The following DDX46 variants were observed in gnomAD, a reference collection of about 807,000 sequenced individuals.
The protein encoded by DDX46 is probable ATP-dependent RNA helicase DDX46.
A neutral mutation model predicts 134.9 loss-of-function variants in DDX46; 30 were observed. The observed-to-expected ratio is 0.22, with a 90% CI of 0.17 to 0.30. The LOEUF (loss-of-function observed/expected upper bound fraction) is 0.30, where lower values mean the gene tolerates loss of function less well. Among genes scored for constraint, DDX46 ranks in the 10% least tolerant of loss-of-function variants. DDX46 has a pLI of 1.00. For missense variants in DDX46, 622 were observed against 1,248.7 expected, an observed-to-expected ratio of 0.50 and a Z score of 7.56; for synonymous variants, 415 against 404.1, an observed-to-expected ratio of 1.03 and a Z score of -0.32.
intron 4 of DDX46, among the ~76,000 whole-genome samples, 154 bp downstream of exon 4, chr5:134,771,153 C>T (rs975175426): frequency 6.7e-6 from 1 of 149,832 alleles, no homozygotes. Flanking sequence ...TCTCTGTTGC[C>T]CAGGCTGGAG....
intron 1 of DDX46, among the ~76,000 whole-genome samples, chr5:134,761,134 T>C (rs1753371383): frequency 1.3e-5 from 2 of 152,130 alleles, no homozygotes; most frequent in Non-Finnish European, 2.9e-5. Flanking sequence ...CAAGAGATCC[T>C]CCCACCTCAG....
chr5:134,801,031 C>T (rs1172436044), intron 15 of DDX46, among the ~76,000 whole-genome samples: 4 of 152,106 alleles, frequency 2.6e-5, no homozygotes, highest in South Asian at 2.1e-4. Context: ...TGCCTGTAAT[C>T]CCAGCACTTT....
chr5:134,769,128 A>G (rs1753676069), intron 3 of DDX46, among the ~76,000 whole-genome samples: 1 of 152,126 alleles, frequency 6.6e-6, no homozygotes. Context: ...TTTAAACGTT[A>G]TTACATATAT....
chr5:134,820,367 A>T (rs1196569870), intron 21 of DDX46, among the ~76,000 whole-genome samples: 2 of 152,142 alleles, frequency 1.3e-5, no homozygotes. Context: ...TTGACACCAT[A>T]GCATTGTAGT....
intron 15 of DDX46, among the ~76,000 whole-genome samples, chr5:134,805,864 G>C (rs1754971031): frequency 6.6e-6 from 1 of 152,086 alleles, no homozygotes; most frequent in Non-Finnish European, 1.5e-5. Context: ...ATTAAGTATT[G>C]ATAGACAAGA....
chr5:134,826,312 A>G (rs1385059068), intron 21 of DDX46: 1 of 152,202 alleles, frequency 6.6e-6, no homozygotes, highest in Non-Finnish European at 1.5e-5. Context: ...ATAACTGTGA[A>G]TGAATGTCTG....
intron 15 of DDX46, among the ~76,000 whole-genome samples, chr5:134,801,956 G>C (rs1336694518): frequency 6.6e-6 from 1 of 151,768 alleles, no homozygotes; most frequent in African/African-American, 2.4e-5. Context: ...TTCTGTGTGG[G>C]GTTCATTTAA....
chr5:134,824,314 C>T (rs935848065), intron 21 of DDX46, among the ~76,000 whole-genome samples: 7 of 152,130 alleles, frequency 4.6e-5, no homozygotes, highest in South Asian at 2.1e-4. Flanking sequence ...TGATAATGGC[C>T]GGGCGCGGTG....
intron 21 of DDX46, among the ~76,000 whole-genome samples, chr5:134,823,715 T>G (rs1755518562): frequency 1.3e-5 from 2 of 152,178 alleles, no homozygotes; most frequent in Non-Finnish European, 2.9e-5. Context: ...CATAGTGAAA[T>G]GGGGATTGCT....
intron 21 of DDX46, among the ~76,000 whole-genome samples, chr5:134,820,940 A>G (rs1755428226): frequency 7.0e-6 from 1 of 142,268 alleles, no homozygotes; most frequent in South Asian, 2.2e-4. Flanking sequence ...ATCTCGACTC[A>G]CTGCAACTCC....
rs188093019 is a variant in DDX46, at chr5:134,803,018, C to T, written c.1955-4730C>T. On this transcript the variant is annotated intron_variant, in intron 15 of 22. Coordinates refer to ENST00000452510, the MANE Select transcript of DDX46 (RefSeq NM_001300860.2). ...TTTAATTTTATTATTATTTTTTATA[C>T]GGAGTCTTGCTCTGTCTCCCAGGCT... 1.8e-4 allele frequency among the ~76,000 whole-genome samples: 27 copies of T among 152,170 alleles called. No homozygotes were observed. The East Asian group carries it at 3.1e-3, about 17-fold the overall frequency.
intron 21 of DDX46, among the ~76,000 whole-genome samples, chr5:134,825,209 A>G (rs531820429): frequency 6.6e-6 from 1 of 152,068 alleles, no homozygotes; most frequent in African/African-American, 2.4e-5. Context: ...CTTCACACCA[A>G]CTCATACCAA....
At chr5:134,827,065 G>T in intron 22 of DDX46, 45 bp downstream of exon 22, 1 of 1,540,852 alleles carries the variant, frequency 6.5e-7, no homozygotes, top group Non-Finnish European at 8.8e-7. Flanking sequence ...TTTAATAAGT[G>T]TTTTATTGAA....
chr5:134,827,369 C>T (rs1241590390), intron 22 of DDX46, among the ~76,000 whole-genome samples: 1 of 151,806 alleles, frequency 6.6e-6, no homozygotes, highest in African/African-American at 2.4e-5. Flanking sequence ...CCGCCTCCTG[C>T]GTTCAAGTGA....
intron 19 of DDX46, 62 bp from the exon 20 acceptor site, chr5:134,817,434 T>A (rs1755314384): frequency 6.7e-7 from 1 of 1,488,444 alleles, no homozygotes; most frequent in Non-Finnish European, 9.1e-7. Context: ...TAATTTGTGG[T>A]GTGGTCCCTA....
intron 10 of DDX46, 155 bp downstream of exon 10, chr5:134,784,696 C>G (rs1754277223): frequency 2.9e-6 from 2 of 694,512 alleles, no homozygotes; most frequent in South Asian, 5.4e-5. Context: ...TTTCCCCTTA[C>G]CAGCAGGTGG....
rs542297494 is a variant in DDX46 at position 134,797,673 on chromosome 5, G to A, written c.1954+1523G>A. Among the ~76,000 whole-genome samples, 8 of 152,288 alleles carry A rather than the reference G, an allele frequency of 5.3e-5. No individual in the cohort carries two copies. The East Asian group carries it at 1.3e-3, about 26-fold the overall frequency. Reference sequence around the variant, plus strand: ...GGTGTCACTTCTTGATTGAGAGAGTGTCATCCCACATGCAGAAAAGCATAT... The same window carrying A: ...GGTGTCACTTCTTGATTGAGAGAGTATCATCCCACATGCAGAAAAGCATAT... On this transcript the variant is annotated intron_variant, in intron 15 of 22. Coordinates refer to ENST00000452510, the MANE Select transcript of DDX46 (RefSeq NM_001300860.2).
chr5:134,766,318 G>T (rs778541431), intron 2 of DDX46, among the ~76,000 whole-genome samples: 1 of 152,172 alleles, frequency 6.6e-6, no homozygotes, highest in Non-Finnish European at 1.5e-5. Flanking sequence ...AGCACTTTGG[G>T]AGGCTGAGGC....
intron 21 of DDX46, among the ~76,000 whole-genome samples, chr5:134,822,545 G>A (rs1755485305): frequency 6.6e-6 from 1 of 151,998 alleles, no homozygotes; most frequent in Admixed American, 6.6e-5. Context: ...CTATGTTACA[G>A]TCTAGGCTTG....
Sources: gnomAD v4.1 joint callset for allele counts (sites outside exome capture counted in the v4.1 genomes callset) on GRCh38, gnomAD v4.1.1 for gene constraint, MANE v1.5 for transcripts, NCBI Gene and HGNC (gene_info 2026-07-23, HGNC 2026-07-21) for gene names.